The following PARD6G variants were observed in gnomAD, a reference collection of about 807,000 sequenced individuals.
The protein encoded by PARD6G is partitioning defective 6 homolog gamma.
PARD6G carries 7 observed loss-of-function variants against 10.7 expected under a neutral mutation model. The observed-to-expected ratio is 0.66, with a 90% confidence interval of 0.37 to 1.23. The LOEUF (loss-of-function observed/expected upper bound fraction) is 1.23, where lower values mean the gene tolerates loss of function less well. Ranked by LOEUF, PARD6G falls within the 50% of genes most tolerant of loss-of-function variation. The probability of loss-of-function intolerance (pLI) is 0.02; values close to 1 mark genes in which losing one functional copy is unlikely to be tolerated. For synonymous variants in PARD6G, 287 were observed against 269.4 expected (o/e 1.07, Z -0.64); for missense variants, 548 against 571.8 (o/e 0.96, Z 0.42).
chr18:80,232,117 T>C (rs1199575254), intron 1 of PARD6G, among the ~76,000 whole-genome samples: 1 of 152,114 alleles, frequency 6.6e-6, no homozygotes, highest in African/African-American at 2.4e-5. Context: ...GCTGTGCTCA[T>C]GAGTGTGACC....
At chr18:80,164,516 T>C (rs984326829) in intron 2 of PARD6G, among the ~76,000 whole-genome samples, 2 of 152,192 alleles carry the variant, frequency 1.3e-5, no homozygotes, top group African/African-American at 4.8e-5. Flanking sequence ...AGTAAGAGGA[T>C]GAAACTGGGG....
Position 80,175,733 on chromosome 18 carries a change from A to T in PARD6G, c.296-15127T>A, listed in dbSNP as rs1417983735. ...GTGTTTGGGCTTTTGCCAAATGTTC[A>T]CCATCACAAAAAAACACCACAGCGA... On this transcript the variant is annotated intron_variant, in intron 2 of 2. Coordinates refer to ENST00000353265, the MANE Select transcript of PARD6G (RefSeq NM_032510.4). This position sits in a 1 kb window ranked among gnomAD's most constrained non-coding sequence, Gnocchi z 6.7. The T allele has an allele frequency of 1.2e-5, 2 of 160,856 alleles. No individual in the cohort carries two copies. Among genetic ancestry groups the T allele is most frequent in the Admixed American group, 6.5e-5 (1 of 15,290 alleles). The allele number at this position is 160,856 out of a possible 1,614,324, so 10.0% of individuals were successfully genotyped here. A position where few individuals can be genotyped will look rare whatever the true frequency, so the allele number is the denominator to read the frequency against.
At chr18:80,163,556 C>T (rs772620637) in intron 2 of PARD6G, among the ~76,000 whole-genome samples, 2 of 152,204 alleles carry the variant, frequency 1.3e-5, no homozygotes, top group Non-Finnish European at 2.9e-5. Flanking sequence ...TGGTGCATTC[C>T]CTTCCACCAA....
At chr18:80,224,624 G>A (rs1006730653) in intron 1 of PARD6G, among the ~76,000 whole-genome samples, 30 of 152,338 alleles carry the variant, frequency 2.0e-4, no homozygotes, top group Admixed American at 8.5e-4. Flanking sequence ...GAGGCGGGCG[G>A]ATCACGAGGT....
rs2052849341 is a variant in PARD6G at position 80,181,705 on chromosome 18, C to T, written c.295+21005G>A. Reference sequence around the variant, plus strand: ...TCTGCTGCCAACCTGGAGCCTGGCCCTTCCCTCCTTCCTGGCTGGAAGCTG... The same window carrying T: ...TCTGCTGCCAACCTGGAGCCTGGCCTTTCCCTCCTTCCTGGCTGGAAGCTG... On this transcript the variant is annotated intron_variant, in intron 2 of 2. Transcript: ENST00000353265. This position sits in a 1 kb window ranked among gnomAD's most constrained non-coding sequence, Gnocchi z 7.9. Among the ~76,000 whole-genome samples the T allele has an allele frequency of 6.6e-6, 1 of 152,122 alleles. No homozygotes were observed. The highest frequency in any genetic ancestry group is 2.4e-5 in the African/African-American group (1 of 41,408).
At position 80,161,032 on chromosome 18, in the gene PARD6G, G is replaced by A. The variant is rs2052697578; in HGVS notation, c.296-426C>T. On this transcript the variant is annotated intron_variant, in intron 2 of 2. Coordinates refer to ENST00000353265, the MANE Select transcript of PARD6G (RefSeq NM_032510.4). This position sits in a 1 kb window ranked among gnomAD's most constrained non-coding sequence, Gnocchi z 4.6. ...AGACGGAGGCTCGTTTTTTTCTAAGGTTAATTACAACTAAGAGAGACCTTT... is the reference window on the plus strand; with the variant it reads ...AGACGGAGGCTCGTTTTTTTCTAAGATTAATTACAACTAAGAGAGACCTTT... Among the ~76,000 whole-genome samples, 2 of 152,104 alleles carry A rather than the reference G, an allele frequency of 1.3e-5. No individual in the cohort carries two copies. The highest frequency in any genetic ancestry group is 2.4e-5 in the African/African-American group (1 of 41,418).
chr18:80,195,471 C>T (rs2145274960), intron 2 of PARD6G, among the ~76,000 whole-genome samples: 1 of 148,012 alleles, frequency 6.8e-6, no homozygotes, highest in African/African-American at 2.5e-5. Flanking sequence ...CCCTTGCCGG[C>T]CTTCACTGCA....
intron 2 of PARD6G, among the ~76,000 whole-genome samples, chr18:80,176,226 TG>T (rs1378171706): frequency 1.3e-5 from 2 of 152,148 alleles, no homozygotes; most frequent in Non-Finnish European, 2.9e-5. Flanking sequence ...AAGTAGGAAT[TG>T]GAGCAGATAA....
rs1966998838 is a variant in PARD6G at position 80,200,558 on chromosome 18, C to T, written c.295+2152G>A. Among the ~76,000 whole-genome samples the T allele has an allele frequency of 6.6e-6, 1 of 152,132 alleles. No homozygotes were observed. Among genetic ancestry groups the T allele is most frequent in the Non-Finnish European group, 1.5e-5 (1 of 68,034 alleles). On this transcript the variant is annotated intron_variant, in intron 2 of 2. Transcript: ENST00000353265. This position sits in a 1 kb window ranked among gnomAD's most constrained non-coding sequence, Gnocchi z 4.4. Reference sequence around the variant, plus strand: ...CCAGGGAGAAGGTGGGGTCTGAGTTCAGGTCTCCCTAGCTCCACACTGTAA... The same window carrying T: ...CCAGGGAGAAGGTGGGGTCTGAGTTTAGGTCTCCCTAGCTCCACACTGTAA...
At chr18:80,163,901 C>T (rs759402208) in intron 2 of PARD6G, among the ~76,000 whole-genome samples, 27 of 152,190 alleles carry the variant, frequency 1.8e-4, no homozygotes, top group East Asian at 7.7e-4. Flanking sequence ...GGAGAGAAGT[C>T]GCACTAGCTG....
At chr18:80,168,572 T>TG (rs1599844786) in intron 2 of PARD6G, among the ~76,000 whole-genome samples, 29 of 119,156 alleles carry the variant, frequency 2.4e-4, no homozygotes, top group Admixed American at 2.2e-3. Flanking sequence ...TCAAATTATG[T>TG]TTGTGTGTGT....
chr18:80,235,175 A>C (rs1599877199), intron 1 of PARD6G, among the ~76,000 whole-genome samples: 1 of 152,214 alleles, frequency 6.6e-6, no homozygotes, highest in South Asian at 2.1e-4. Flanking sequence ...ACCACAGTGC[A>C]ATCAAACTAG....
Position 80,230,548 on chromosome 18 carries a change from G to C in PARD6G, c.72+16729C>G, listed in dbSNP as rs530376235. 5.3e-4 allele frequency among the ~76,000 whole-genome samples: 80 copies of C among 152,306 alleles called. 1 individual carries two copies. The highest frequency in any genetic ancestry group is 8.1e-4 in the Non-Finnish European group (55 of 68,018). The stretch of plus-strand genomic sequence containing the variant: ...GATCCAGAGTGATGATGGTGCAGCC[G>C]TTGGCACTCGCAGAACTGCCCAGAC... On this transcript the variant is annotated intron_variant, in intron 1 of 2. Coordinates refer to ENST00000353265, the MANE Select transcript of PARD6G (RefSeq NM_032510.4).
chr18:80,184,151 G>A lies in PARD6G; in HGVS notation c.295+18559C>T, dbSNP rs34929854. 29,124 of 152,154 alleles carry A rather than the reference G, an allele frequency of 0.19. 3,475 individuals are homozygous for A. The highest frequency in any genetic ancestry group is 0.33 in the African/African-American group (13,774 of 41,456). 9.4% of individuals were successfully genotyped at this position (152,154 alleles called of 1,614,324 possible). Reference sequence around the variant, plus strand: ...GGGGCGTTTAGGAAAACCCACAGCTGAAGTCACATTCAATGCGGAACACTG... The same window carrying A: ...GGGGCGTTTAGGAAAACCCACAGCTAAAGTCACATTCAATGCGGAACACTG... On this transcript the variant is annotated intron_variant, in intron 2 of 2. Transcript: ENST00000353265. This position sits in a 1 kb window ranked among gnomAD's most constrained non-coding sequence, Gnocchi z 4.5.
At position 80,213,583 on chromosome 18, in the gene PARD6G, A is replaced by G. The variant is rs1967129453; in HGVS notation, c.73-10651T>C. On this transcript the variant is annotated intron_variant, in intron 1 of 2. Coordinates refer to ENST00000353265, the MANE Select transcript of PARD6G (RefSeq NM_032510.4). ...ACATGACAAAGAATACAGACTTCATAGAATTAGTCCAGGAAAGTCACTAAA... is the reference window on the plus strand; with the variant it reads ...ACATGACAAAGAATACAGACTTCATGGAATTAGTCCAGGAAAGTCACTAAA... 2.0e-5 allele frequency among the ~76,000 whole-genome samples: 3 copies of G among 152,276 alleles called. No homozygotes were observed. The South Asian group carries it at 6.2e-4, about 32-fold the overall frequency.
chr18:80,245,733 A>T (rs1967537359), intron 1 of PARD6G, among the ~76,000 whole-genome samples: 1 of 152,116 alleles, frequency 6.6e-6, no homozygotes, highest in Non-Finnish European at 1.5e-5. Flanking sequence ...CTGTGTTCCC[A>T]CTGAGCTAAA....
chr18:80,205,338 ACAAAG>A (rs1319908377), intron 1 of PARD6G, among the ~76,000 whole-genome samples: 4 of 152,370 alleles, frequency 2.6e-5, no homozygotes, highest in Admixed American at 6.5e-5. Flanking sequence ...CTTTCAGATC[ACAAAG>A]CATTTATTTC....
At chr18:80,170,655 G>A (rs1419127405) in intron 2 of PARD6G, 1 of 152,294 alleles carries the variant, frequency 6.6e-6, no homozygotes, top group East Asian at 1.9e-4. Flanking sequence ...CTGCACCCTT[G>A]CAGTGAGGGG....
Position 80,180,335 on chromosome 18 carries a change from C to T in PARD6G, c.296-19729G>A, listed in dbSNP as rs759887962. Among the ~76,000 whole-genome samples the T allele has an allele frequency of 5.3e-5, 8 of 152,232 alleles. No homozygotes were observed. The highest frequency in any genetic ancestry group is 2.6e-4 in the Admixed American group (4 of 15,294). ...GGGCGTGGGCAGCGACAGCTGGGGC[C>T]GGCAGGTGAGGACACGCAGCTGGGA... On this transcript the variant is annotated intron_variant, in intron 2 of 2. Coordinates refer to ENST00000353265, the MANE Select transcript of PARD6G (RefSeq NM_032510.4). The surrounding 1 kb of genome is among the most constrained non-coding windows in gnomAD (Gnocchi z 5.6).
Sources: allele counts gnomAD v4.1 joint callset (sites outside exome capture counted in the v4.1 genomes callset), GRCh38; gene constraint gnomAD v4.1.1; non-coding constraint Gnocchi (gnomAD v3.1); transcripts MANE v1.5; gene names NCBI Gene and HGNC (gene_info 2026-07-23, HGNC 2026-07-21).